Variants in MACROD2 observed in about 807,000 individuals in gnomAD.
MACROD2 encodes ADP-ribose glycohydrolase MACROD2.
A neutral mutation model predicts 70.4 loss-of-function variants in MACROD2; 36 were observed. That is an observed-to-expected ratio of 0.51 (90% CI 0.39 to 0.68). The LOEUF (loss-of-function observed/expected upper bound fraction) is 0.68, where lower values mean the gene tolerates loss of function less well. MACROD2 is among the 30% of genes least tolerant of loss of function. The pLI is 0.00. For synonymous variants in MACROD2, 172 were observed against 178.8 expected (o/e 0.96, Z 0.30); for missense variants, 496 against 538.4 (o/e 0.92, Z 0.78).
chr20:14,701,425 T>G (rs554838921), intron 5 of MACROD2, among the ~76,000 whole-genome samples: 1 of 152,304 alleles, frequency 6.6e-6, no homozygotes, highest in South Asian at 2.1e-4. Context: ...ACTCTCTTGA[T>G]AACTCTGTCC....
chr20:15,447,509 T>C (rs117320333), intron 7 of MACROD2, among the ~76,000 whole-genome samples: 1 of 152,304 alleles, frequency 6.6e-6, no homozygotes, highest in East Asian at 1.9e-4. Flanking sequence ...TGGGGTTCCC[T>C]TATTTTCCTA....
chr20:15,206,847 C>A (rs962367480), intron 5 of MACROD2, among the ~76,000 whole-genome samples: 27 of 149,718 alleles, frequency 1.8e-4, no homozygotes, highest in African/African-American at 5.9e-4. Flanking sequence ...CGCCATTCTC[C>A]TGCCTCAGCC....
At chr20:14,920,785 T>C (rs1013379254) in intron 5 of MACROD2, among the ~76,000 whole-genome samples, 1 of 152,212 alleles carries the variant, frequency 6.6e-6, no homozygotes, top group Non-Finnish European at 1.5e-5. Context: ...ATGAGATTAA[T>C]AAAAATAGAA....
chr20:15,504,527 G>T (rs2047402122), intron 8 of MACROD2, among the ~76,000 whole-genome samples: 1 of 152,112 alleles, frequency 6.6e-6, no homozygotes, highest in Non-Finnish European at 1.5e-5. Context: ...GAGAAGATCA[G>T]ATAGATGAAT....
At chr20:15,957,320 T>C (rs1238637167) in intron 12 of MACROD2, among the ~76,000 whole-genome samples, 1 of 152,232 alleles carries the variant, frequency 6.6e-6, no homozygotes, top group Non-Finnish European at 1.5e-5. Flanking sequence ...TTGAATTTTT[T>C]ACAAAAATTA....
chr20:14,233,691 C>T (rs1490457575), intron 3 of MACROD2, among the ~76,000 whole-genome samples: 7 of 95,130 alleles, frequency 7.4e-5, no homozygotes, highest in South Asian at 7.5e-4. Context: ...AGCGAGACTC[C>T]GTCTCACAAA....
chr20:14,373,744 G>T (rs2083347278), intron 3 of MACROD2, among the ~76,000 whole-genome samples: 1 of 152,116 alleles, frequency 6.6e-6, no homozygotes, highest in Non-Finnish European at 1.5e-5. Context: ...CATTAATTAT[G>T]CAGCGAGAGT....
intron 8 of MACROD2, among the ~76,000 whole-genome samples, chr20:15,814,735 G>A (rs1264847794): frequency 6.6e-6 from 1 of 152,164 alleles, no homozygotes; most frequent in African/African-American, 2.4e-5. Context: ...TCATGATACT[G>A]CACTTACCTG....
At chr20:15,713,781 G>A (rs1184558281) in intron 8 of MACROD2, among the ~76,000 whole-genome samples, 2 of 152,092 alleles carry the variant, frequency 1.3e-5, no homozygotes, top group Non-Finnish European at 2.9e-5. Context: ...GTAGGTTGCA[G>A]GAGACTAGGG....
intron 8 of MACROD2, among the ~76,000 whole-genome samples, chr20:15,502,477 G>A (rs1015084347): frequency 8.5e-5 from 13 of 152,182 alleles, no homozygotes; most frequent in African/African-American, 3.1e-4. Flanking sequence ...TTTTATTCTA[G>A]TGGGTAGTTG....
intron 8 of MACROD2, among the ~76,000 whole-genome samples, chr20:15,813,547 G>A (rs533125229): frequency 4.6e-5 from 7 of 152,276 alleles, no homozygotes; most frequent in African/African-American, 1.7e-4. Context: ...GGAGCCTGAG[G>A]CAAGAGGATC....
intron 4 of MACROD2, among the ~76,000 whole-genome samples, chr20:14,553,763 A>C (rs1194141293): frequency 6.6e-6 from 1 of 152,208 alleles, no homozygotes; most frequent in African/African-American, 2.4e-5. Context: ...ATTTAGAGTC[A>C]TGGGAAGCTG....
chr20:14,305,961 G>A (rs1419108083), intron 3 of MACROD2, among the ~76,000 whole-genome samples: 1 of 151,150 alleles, frequency 6.6e-6, no homozygotes, highest in Non-Finnish European at 1.5e-5. Flanking sequence ...GAGTCTACTT[G>A]TGTTTCTCCC....
chr20:14,685,575 T>C (rs1176580988), intron 5 of MACROD2, among the ~76,000 whole-genome samples: 3 of 152,212 alleles, frequency 2.0e-5, no homozygotes, highest in Non-Finnish European at 4.4e-5. Flanking sequence ...CCTTATTGCT[T>C]AGTGATTCAA....
intron 6 of MACROD2, among the ~76,000 whole-genome samples, chr20:15,420,198 AT>A (rs1416001270): frequency 6.6e-6 from 1 of 152,236 alleles, no homozygotes; most frequent in Non-Finnish European, 1.5e-5. Flanking sequence ...GGTGAAACTA[AT>A]CCAGCTGTCT....
chr20:14,814,583 G>A (rs1210388562), intron 5 of MACROD2, among the ~76,000 whole-genome samples: 13 of 151,840 alleles, frequency 8.6e-5, no homozygotes. Context: ...GAGAGAAATG[G>A]GTGCCCTAAA....
intron 6 of MACROD2, among the ~76,000 whole-genome samples, chr20:15,290,194 T>A (rs1328060724): frequency 6.6e-6 from 1 of 152,236 alleles, no homozygotes; most frequent in African/African-American, 2.4e-5. Flanking sequence ...TTAAAAATAA[T>A]CTCTGGTTGC....
At chr20:14,118,314 G>T (rs1161607414) in intron 3 of MACROD2, among the ~76,000 whole-genome samples, 1 of 152,148 alleles carries the variant, frequency 6.6e-6, no homozygotes, top group African/African-American at 2.4e-5. Context: ...ACAGGGTATT[G>T]TTGGTAGGAC....
At chr20:14,515,722 G>GGAGCT (rs549373439) in intron 4 of MACROD2, among the ~76,000 whole-genome samples, 268 of 152,040 alleles carry the variant, frequency 1.8e-3, no homozygotes, top group Admixed American at 5.4e-3. Context: ...GGAGAGAAGA[G>GGAGCT]GAGCTGTTGA....
Sources: allele counts gnomAD v4.1 joint callset (sites outside exome capture counted in the v4.1 genomes callset), GRCh38; gene constraint gnomAD v4.1.1; transcripts MANE v1.5; gene names NCBI Gene and HGNC (gene_info 2026-07-23, HGNC 2026-07-21).